The following GABRB1 variants were observed in gnomAD, a reference collection of about 807,000 sequenced individuals.
GABRB1 encodes the protein gamma-aminobutyric acid type A receptor subunit beta1, also known as gamma-aminobutyric acid receptor subunit beta-1.
A neutral mutation model predicts 51.6 loss-of-function variants in GABRB1; 17 were observed. The ratio of observed to expected loss-of-function variants is 0.33; its 90% CI spans 0.23 to 0.49. GABRB1 has a LOEUF of 0.49. GABRB1 is among the 20% of genes least tolerant of loss of function. The probability of loss-of-function intolerance (pLI) is 0.99; values close to 1 mark genes in which losing one functional copy is unlikely to be tolerated. For missense variants in GABRB1, 410 were observed against 600.6 expected (o/e 0.68, Z 3.32); for synonymous variants, 247 against 218.9 (o/e 1.13, Z -1.14).
At chr4:47,123,595 TACATTATTTC>T (rs1393277137) in intron 3 of GABRB1, among the ~76,000 whole-genome samples, 7 of 16,518 alleles carry the variant, frequency 4.2e-4, no homozygotes, top group African/African-American at 1.2e-3. Context: ...TATAATATAT[TACATTATTTC>T]ATATATTATA....
At chr4:47,393,154 T>A (rs1411580614) in intron 5 of GABRB1, among the ~76,000 whole-genome samples, 1 of 152,214 alleles carries the variant, frequency 6.6e-6, no homozygotes, top group Non-Finnish European at 1.5e-5. Context: ...GTGGTTGCTG[T>A]AGCTACTTGA....
Position 47,403,626 on chromosome 4 carries a change from C to G in GABRB1, c.750C>G (p.Thr250=). 6.2e-7 allele frequency: 1 copy of G among 1,613,936 alleles called. No homozygotes were observed. The highest frequency in any genetic ancestry group is 8.5e-7 in the Non-Finnish European group (1 of 1,179,902). The change falls in exon 7 of 9, where the codon ACC becomes ACG. Residue 250 remains threonine (T), a synonymous_variant. Transcript: ENST00000295454. Reference sequence around the variant, plus strand: ...ACATTGGTTACTTCATTTTGCAAACCTACATGCCTTCTACACTGATTACAA... The same window carrying G: ...ACATTGGTTACTTCATTTTGCAAACGTACATGCCTTCTACACTGATTACAA... The part of the protein sequence containing the change: ...KRNIGYFILQ[T]YMPSTLITIL...
chr4:47,416,974 T>C (rs28457819), intron 8 of GABRB1, among the ~76,000 whole-genome samples: 75,828 of 152,060 alleles, frequency 0.5, 22,274 homozygotes, highest in African/African-American at 0.83. Context: ...AAAAAGTCAA[T>C]AGAATCAGGA....
At chr4:47,023,508 A>T (rs934938998) in intron 1 of GABRB1, among the ~76,000 whole-genome samples, 1 of 152,052 alleles carries the variant, frequency 6.6e-6, no homozygotes, top group African/African-American at 2.4e-5. Flanking sequence ...GATTATTGAC[A>T]AAAGAACTGG....
chr4:47,137,245 A>T (rs1001333360), intron 3 of GABRB1, among the ~76,000 whole-genome samples: 1 of 152,094 alleles, frequency 6.6e-6, no homozygotes, highest in African/African-American at 2.4e-5. Flanking sequence ...CAGTAGAAGA[A>T]GGAACAGTAG....
intron 4 of GABRB1, among the ~76,000 whole-genome samples, chr4:47,216,920 T>C (rs1387689453): frequency 6.6e-6 from 1 of 151,860 alleles, no homozygotes; most frequent in Non-Finnish European, 1.5e-5. Context: ...CACATTGTTT[T>C]AACAGTGAAG....
intron 4 of GABRB1, among the ~76,000 whole-genome samples, chr4:47,279,814 G>C (rs1265842746): frequency 6.7e-6 from 1 of 149,940 alleles, no homozygotes; most frequent in East Asian, 1.9e-4. Context: ...TAGAGATGAA[G>C]TGAGTTTCCT....
chr4:47,284,204 AG>A (rs2109912321), intron 4 of GABRB1, among the ~76,000 whole-genome samples: 1 of 152,010 alleles, frequency 6.6e-6, no homozygotes, highest in African/African-American at 2.4e-5. Flanking sequence ...CGAGATTGAC[AG>A]GCTTTTGGCT....
chr4:47,362,160 G>A (rs1265639371), intron 5 of GABRB1, among the ~76,000 whole-genome samples: 1 of 152,088 alleles, frequency 6.6e-6, no homozygotes, highest in Non-Finnish European at 1.5e-5. Context: ...CAAGAAGGAT[G>A]GCAAGGATAA....
chr4:47,284,824 C>T (rs993533770), intron 4 of GABRB1, among the ~76,000 whole-genome samples: 2 of 152,102 alleles, frequency 1.3e-5, no homozygotes, highest in African/African-American at 2.4e-5. Flanking sequence ...CCAGACAGCT[C>T]TCAGAAGCAA....
chr4:47,015,093 A>G (rs1003219337), intron 1 of GABRB1, among the ~76,000 whole-genome samples: 3 of 152,108 alleles, frequency 2.0e-5, no homozygotes, highest in African/African-American at 7.2e-5. Context: ...TTTTTAGTAG[A>G]GACAGGGTTT....
chr4:47,186,098 T>A (rs866678447), intron 4 of GABRB1, among the ~76,000 whole-genome samples: 1 of 151,592 alleles, frequency 6.6e-6, no homozygotes, highest in South Asian at 2.1e-4. Flanking sequence ...AAATACTGCA[T>A]ACATCCATAA....
chr4:47,259,408 T>C (rs1019936044), intron 4 of GABRB1, among the ~76,000 whole-genome samples: 6 of 152,180 alleles, frequency 3.9e-5, no homozygotes, highest in African/African-American at 1.4e-4. Flanking sequence ...TTCTGTAGTA[T>C]CTATAAGCTC....
At chr4:47,409,369 T>C (rs1457785402) in intron 8 of GABRB1, among the ~76,000 whole-genome samples, 1 of 151,948 alleles carries the variant, frequency 6.6e-6, no homozygotes, top group Admixed American at 6.5e-5. Flanking sequence ...TGGCTCTCAG[T>C]GAGATGAATG....
At chr4:47,246,372 A>G (rs78811388) in intron 4 of GABRB1, among the ~76,000 whole-genome samples, 29 of 50,122 alleles carry the variant, frequency 5.8e-4, no homozygotes, top group African/African-American at 2.8e-3. Context: ...ATATATATAT[A>G]TATATATATA....
intron 3 of GABRB1, among the ~76,000 whole-genome samples, chr4:47,046,287 A>G (rs1351460332): frequency 6.6e-6 from 1 of 152,146 alleles, no homozygotes; most frequent in Non-Finnish European, 1.5e-5. Context: ...GTAAATATCA[A>G]CAATAAAATT....
intron 1 of GABRB1, among the ~76,000 whole-genome samples, chr4:47,024,089 A>C (rs1577834018): frequency 6.6e-6 from 1 of 151,924 alleles, no homozygotes; most frequent in Admixed American, 6.6e-5. Flanking sequence ...TTACAATTAC[A>C]TTTCAATTTC....
At chr4:47,410,484 G>C (rs925304677) in intron 8 of GABRB1, among the ~76,000 whole-genome samples, 50 of 152,152 alleles carry the variant, frequency 3.3e-4, no homozygotes, top group Non-Finnish European at 7.2e-4. Context: ...CCAGACTGAG[G>C]GATGTGGGGC....
chr4:47,420,900 T>C (rs1271396628), intron 8 of GABRB1, among the ~76,000 whole-genome samples: 1 of 151,124 alleles, frequency 6.6e-6, no homozygotes, highest in African/African-American at 2.4e-5. Flanking sequence ...GGGTGAAATA[T>C]CACACTGTAG....
Sources: allele counts gnomAD v4.1 joint callset (sites outside exome capture counted in the v4.1 genomes callset), GRCh38; gene constraint gnomAD v4.1.1; transcripts MANE v1.5; gene names NCBI Gene and HGNC (gene_info 2026-07-23, HGNC 2026-07-21).